ADAM12: variants seen among roughly 807,000 people sequenced by gnomAD.
The protein encoded by ADAM12 is ADAM metallopeptidase domain 12.
Under a neutral mutation model 106.4 loss-of-function variants are expected in ADAM12, and 70 were observed. That is an observed-to-expected ratio of 0.66 (90% CI 0.54 to 0.80). The LOEUF (loss-of-function observed/expected upper bound fraction) is 0.80, where lower values mean the gene tolerates loss of function less well. Among genes scored for constraint, ADAM12 ranks in the 30% least tolerant of loss-of-function variants. The pLI is 0.00. For missense variants in ADAM12, 1,010 were observed against 1,171.9 expected (o/e 0.86, Z 2.02); for synonymous variants, 420 against 433.5 (o/e 0.97, Z 0.39).
chr10:126,378,760 A>T (rs1420681329), intron 1 of ADAM12, among the ~76,000 whole-genome samples: 1 of 152,220 alleles, frequency 6.6e-6, no homozygotes, highest in Non-Finnish European at 1.5e-5. Flanking sequence ...TGGCAAAAAT[A>T]TGGGTGTATA....
chr10:126,164,770 G>C (rs12573771), intron 3 of ADAM12, among the ~76,000 whole-genome samples: 2 of 152,166 alleles, frequency 1.3e-5, no homozygotes, highest in Admixed American at 1.3e-4. Context: ...AGAAACTCTA[G>C]ACTAGCTGGA....
chr10:126,196,979 T>C (rs1264212946), intron 3 of ADAM12, among the ~76,000 whole-genome samples: 1 of 152,172 alleles, frequency 6.6e-6, no homozygotes, highest in Non-Finnish European at 1.5e-5. Flanking sequence ...ATCTAGGGTA[T>C]AGAGGCCTTG....
intron 5 of ADAM12, among the ~76,000 whole-genome samples, chr10:126,122,755 C>T (rs1264761732): frequency 2.0e-5 from 3 of 151,824 alleles, no homozygotes; most frequent in African/African-American, 7.3e-5. Flanking sequence ...ACGAGAGTCC[C>T]TCTCAAAAAC....
At position 126,249,554 on chromosome 10, in the gene ADAM12, C is replaced by T. The variant is rs532883229; in HGVS notation, c.260+29361G>A. Among the ~76,000 whole-genome samples, 7 of 152,212 alleles carry T rather than the reference C, an allele frequency of 4.6e-5. No individual in the cohort carries two copies. The South Asian group carries it at 8.3e-4, about 18-fold the overall frequency. ...TCTAGTAAAAATACAAAAAATTAGC[C>T]GCGTGTGGTGGCGGGCGCCTGTGCC... On this transcript the variant is annotated intron_variant, in intron 3 of 22. Coordinates refer to ENST00000448723, the MANE Select transcript of ADAM12 (RefSeq NM_001288973.2).
chr10:126,357,493 G>A (rs1432831528), intron 1 of ADAM12, among the ~76,000 whole-genome samples: 3 of 152,086 alleles, frequency 2.0e-5, no homozygotes, highest in Admixed American at 1.3e-4. Context: ...TTCTAATACA[G>A]AACCTGATGG....
intron 3 of ADAM12, among the ~76,000 whole-genome samples, chr10:126,197,877 C>T (rs1212494765): frequency 6.6e-6 from 1 of 152,166 alleles, no homozygotes; most frequent in Non-Finnish European, 1.5e-5. Context: ...GGCCTGAAAG[C>T]CCCAGACAGC....
At chr10:126,259,422 C>G (rs1958955630) in intron 3 of ADAM12, among the ~76,000 whole-genome samples, 1 of 152,140 alleles carries the variant, frequency 6.6e-6, no homozygotes, top group Non-Finnish European at 1.5e-5. Context: ...AAAAAAGTCT[C>G]TTTTCAATAT....
intron 1 of ADAM12, among the ~76,000 whole-genome samples, chr10:126,385,218 C>T (rs767079989): frequency 6.6e-6 from 1 of 152,182 alleles, no homozygotes; most frequent in Non-Finnish European, 1.5e-5. Context: ...ATTTGCTCAG[C>T]AATCTGGAAA....
At chr10:126,182,010 C>T (rs547731007) in intron 3 of ADAM12, among the ~76,000 whole-genome samples, 76 of 152,298 alleles carry the variant, frequency 5.0e-4, no homozygotes, top group African/African-American at 1.6e-3. Flanking sequence ...TCAGAAGACA[C>T]GTAAAGCACA....
At chr10:126,294,898 A>ATGTGTG (rs34255814) in intron 2 of ADAM12, among the ~76,000 whole-genome samples, 1 of 150,400 alleles carries the variant, frequency 6.6e-6, no homozygotes, top group South Asian at 2.1e-4. Context: ...TTGTGTGTAG[A>ATGTGTG]TGTGTGTGTG....
At chr10:126,203,571 A>G (rs1590614140) in intron 3 of ADAM12, among the ~76,000 whole-genome samples, 1 of 152,224 alleles carries the variant, frequency 6.6e-6, no homozygotes, top group Non-Finnish European at 1.5e-5. Context: ...CATAAACTCT[A>G]TCAAAGCATC....
At chr10:126,327,246 C>T (rs1590786097) in intron 2 of ADAM12, among the ~76,000 whole-genome samples, 1 of 152,222 alleles carries the variant, frequency 6.6e-6, no homozygotes, top group East Asian at 1.9e-4. Context: ...GTGAGGAATG[C>T]CTCTGAGGTT....
intron 3 of ADAM12, among the ~76,000 whole-genome samples, chr10:126,269,108 A>G (rs1051654645): frequency 6.6e-6 from 1 of 152,176 alleles, no homozygotes; most frequent in Non-Finnish European, 1.5e-5. Context: ...TAACTTCCTG[A>G]CGTTGCCACG....
At chr10:126,344,217 T>G (rs1233178098) in intron 1 of ADAM12, among the ~76,000 whole-genome samples, 2 of 152,176 alleles carry the variant, frequency 1.3e-5, no homozygotes, top group African/African-American at 2.4e-5. Context: ...AAGGAAGGGA[T>G]CCAGTTTCAG....
chr10:126,315,269 T>C (rs1166250935), intron 2 of ADAM12, among the ~76,000 whole-genome samples: 1 of 152,228 alleles, frequency 6.6e-6, no homozygotes. Context: ...CCACAGCTTC[T>C]GGACATTTAT....
rs374420879 is a variant in ADAM12, at chr10:126,019,818, C to G, written c.2537G>C (p.Cys846Ser). 5 of 1,613,350 alleles carry G rather than the reference C, an allele frequency of 3.1e-6. No homozygotes were observed. The highest frequency in any genetic ancestry group is 2.7e-5 in the African/African-American group (2 of 74,900). ...KPALRQAQGT[C>S]KPNPPQKPLP... ...AGGCTTCTGAGGGGGGTTTGGCTTACAGGTCCCCTGCAATAAACATAGGGT... is the reference window on the plus strand; with the variant it reads ...AGGCTTCTGAGGGGGGTTTGGCTTAGAGGTCCCCTGCAATAAACATAGGGT... Residue 846 changes from cysteine (C) to serine (S), a missense_variant, in exon 22 of 23, where the codon TGT (cysteine) becomes TCT (serine). Physicochemically the swap from Cys to Ser is moderately radical, Grantham distance 112. Coordinates refer to ENST00000448723, the MANE Select transcript of ADAM12 (RefSeq NM_001288973.2).
At chr10:126,092,767 A>T (rs1414291975) in intron 11 of ADAM12, among the ~76,000 whole-genome samples, 1 of 152,198 alleles carries the variant, frequency 6.6e-6, no homozygotes, top group Non-Finnish European at 1.5e-5. Flanking sequence ...GAACATGAGG[A>T]ATCAGTCACT....
chr10:126,239,863 C>G (rs1958488929), intron 3 of ADAM12, among the ~76,000 whole-genome samples: 1 of 152,180 alleles, frequency 6.6e-6, no homozygotes, highest in African/African-American at 2.4e-5. Context: ...GCATCTTGCC[C>G]CATGATGGGC....
intron 1 of ADAM12, among the ~76,000 whole-genome samples, chr10:126,367,232 T>C (rs1590831659): frequency 6.6e-6 from 1 of 151,914 alleles, no homozygotes; most frequent in African/African-American, 2.4e-5. Context: ...AATCTGATTA[T>C]AATAAAATAA....
Sources: gnomAD v4.1 joint callset for allele counts (sites outside exome capture counted in the v4.1 genomes callset) on GRCh38, gnomAD v4.1.1 for gene constraint, MANE v1.5 for transcripts, NCBI Gene and HGNC (gene_info 2026-07-23, HGNC 2026-07-21) for gene names.